The following ST8SIA1 variants were observed in gnomAD, a reference collection of about 807,000 sequenced individuals.
ST8SIA1 encodes alpha-N-acetylneuraminide alpha-2,8-sialyltransferase.
Under a neutral mutation model 35.9 loss-of-function variants are expected in ST8SIA1, and 16 were observed. The ratio of observed to expected loss-of-function variants is 0.45; its 90% CI spans 0.30 to 0.68. The LOEUF (loss-of-function observed/expected upper bound fraction) is 0.68. Ranked by LOEUF, ST8SIA1 falls within the 30% of genes least tolerant of loss-of-function variation. The pLI is 0.09. For synonymous variants in ST8SIA1, 170 were observed against 169.6 expected, an observed-to-expected ratio of 1.00 and a Z score of -0.02; for missense variants, 383 against 453.6, an observed-to-expected ratio of 0.84 and a Z score of 1.41.
chr12:22,223,905 T>C (rs1452382918), intron 4 of ST8SIA1: 16 of 846,020 alleles, frequency 1.9e-5, no homozygotes, highest in Non-Finnish European at 2.4e-5. Flanking sequence ...GCTTTCTACA[T>C]CTTTATCCTT....
chr12:22,273,360 C>T (rs741370), intron 2 of ST8SIA1, among the ~76,000 whole-genome samples: 14,002 of 152,184 alleles, frequency 0.092, 772 homozygotes, highest in East Asian at 0.15. Flanking sequence ...CCTTTTTGCA[C>T]AGTCACAAAT....
At chr12:22,219,567 C>T (rs1865274001) in intron 4 of ST8SIA1, among the ~76,000 whole-genome samples, 1 of 152,178 alleles carries the variant, frequency 6.6e-6, no homozygotes, top group South Asian at 2.1e-4. Flanking sequence ...GTTAGGTGAC[C>T]CGGCAGGTTG....
intron 4 of ST8SIA1, among the ~76,000 whole-genome samples, chr12:22,218,588 A>G (rs1865260693): frequency 7.0e-6 from 1 of 141,854 alleles, no homozygotes; most frequent in South Asian, 2.2e-4. Flanking sequence ...ATTGCACTCC[A>G]GTCTGGGTGA....
intron 3 of ST8SIA1, among the ~76,000 whole-genome samples, chr12:22,253,178 G>A (rs1865692834): frequency 6.6e-6 from 1 of 152,128 alleles, no homozygotes; most frequent in Non-Finnish European, 1.5e-5. Flanking sequence ...CCCCAGCAAG[G>A]GTAAAATAAT....
intron 2 of ST8SIA1, among the ~76,000 whole-genome samples, chr12:22,267,667 T>A (rs1865864014): frequency 6.6e-6 from 1 of 152,192 alleles, no homozygotes; most frequent in Non-Finnish European, 1.5e-5. Flanking sequence ...CTGCTTGGCT[T>A]ATCGTCTACC....
intron 1 of ST8SIA1, chr12:22,325,436 C>T: frequency 2.9e-6 from 2 of 701,610 alleles, no homozygotes; most frequent in Non-Finnish European, 5.2e-6. Context: ...GTCTTGGCTG[C>T]TTCCCTCTCA....
chr12:22,306,256 C>T (rs1384776846), intron 1 of ST8SIA1, among the ~76,000 whole-genome samples: 3 of 152,176 alleles, frequency 2.0e-5, no homozygotes, highest in African/African-American at 7.2e-5. Context: ...TCAGGACCTC[C>T]TGAGGCTGTG....
chr12:22,287,139 C>G lies in ST8SIA1; in HGVS notation c.381+10G>C, dbSNP rs1866109916. 9 of 1,610,610 alleles carry G rather than the reference C, an allele frequency of 5.6e-6. No homozygotes were observed. The highest frequency in any genetic ancestry group is 7.6e-6 in the Non-Finnish European group (9 of 1,178,406). On this transcript the variant is annotated intron_variant, in intron 2 of 4. Transcript: ENST00000396037. The stretch of plus-strand genomic sequence containing the variant: ...GAAACCATACTGAAGGCAACCAACT[C>G]TATACTAACCTGTGGGAAGAGAGAG...
At position 22,287,178 on chromosome 12, in the gene ST8SIA1, C is replaced by T; in HGVS notation, c.352G>A (p.Asp118Asn). ...GGGAAGAGAGAGTAAGTTGAATTGT[C>T]AATGGTGAATGAGTATAAAAACTCC... is the stretch of plus-strand genomic sequence containing the variant. ...DGEFLYSFTI[D>N]NSTYSLFPQA... is the part of the protein sequence containing the mutation. Residue 118 changes from aspartate (D) to asparagine (N), a missense_variant, in exon 2 of 5, where the codon GAC becomes AAC. By Grantham distance (23) the Asp-to-Asn change is conservative (BLOSUM62 1). Transcript: ENST00000396037. 1 of 1,613,950 alleles carries T rather than the reference C, an allele frequency of 6.2e-7. No individual in the cohort carries two copies. Among genetic ancestry groups the T allele is most frequent in the East Asian group, 2.2e-5 (1 of 44,872 alleles).
At chr12:22,204,393 A>C (rs1222230743) in intron 4 of ST8SIA1, among the ~76,000 whole-genome samples, 1 of 152,250 alleles carries the variant, frequency 6.6e-6, no homozygotes, top group Non-Finnish European at 1.5e-5. Context: ...TAATATGCTC[A>C]TACCGTTCCC....
chr12:22,253,236 T>C (rs1177970930), intron 3 of ST8SIA1, among the ~76,000 whole-genome samples: 3 of 152,214 alleles, frequency 2.0e-5, no homozygotes, highest in African/African-American at 7.2e-5. Context: ...ACTTGTCTCC[T>C]ATCTCGCTGT....
rs906369973 is a variant in ST8SIA1, at chr12:22,198,411, T to G, written c.*3141A>C. 1 of 152,008 alleles carries G rather than the reference T, an allele frequency of 6.6e-6. No individual in the cohort carries two copies. Among genetic ancestry groups the G allele is most frequent in the South Asian group, 2.1e-4 (1 of 4,826 alleles). 9.4% of individuals were successfully genotyped at this position (152,008 alleles called of 1,614,324 possible). On this transcript the variant is annotated 3_prime_UTR_variant, in exon 5 of 5. Transcript: ENST00000396037. ...AAAGAAAGATAATGGGAGCTTAGAA[T>G]TGAAGATCTTAATAATAGAGTATTC...
chr12:22,269,787 C>G (rs1215464153), intron 2 of ST8SIA1, among the ~76,000 whole-genome samples: 2 of 152,090 alleles, frequency 1.3e-5, no homozygotes, highest in African/African-American at 2.4e-5. Context: ...GAGACAGAAC[C>G]CTCTTTTAAC....
In ST8SIA1 at chr12:22,333,830, A is replaced by C. The variant is rs757634398; in HGVS notation, c.236+167T>G. ...CAGGGGTGGGGAAGGAACCCTGACT[A>C]AAGTCTCCAGGTTGGGAATGGCACA... On this transcript the variant is annotated intron_variant, in intron 1 of 4. Transcript: ENST00000396037. 5.1e-6 allele frequency: 4 copies of C among 788,814 alleles called. No individual in the cohort carries two copies. The Middle Eastern group carries it at 8.9e-4, about 175-fold the overall frequency. The allele number at this position is 788,814 out of a possible 1,614,324, so 48.9% of individuals were successfully genotyped here.
intron 4 of ST8SIA1, chr12:22,223,753 C>G: frequency 4.8e-6 from 6 of 1,253,470 alleles, no homozygotes; most frequent in Non-Finnish European, 6.2e-6. Flanking sequence ...TTTCTTCACC[C>G]TCTCGACAGC....
intron 1 of ST8SIA1, among the ~76,000 whole-genome samples, chr12:22,332,530 C>T (rs1291793509): frequency 6.6e-6 from 1 of 152,126 alleles, no homozygotes; most frequent in Non-Finnish European, 1.5e-5. Flanking sequence ...GATGTGATGC[C>T]TTTTGCCTGC....
At chr12:22,323,628 G>A (rs1481789631) in intron 1 of ST8SIA1, among the ~76,000 whole-genome samples, 1 of 152,156 alleles carries the variant, frequency 6.6e-6, no homozygotes, top group East Asian at 1.9e-4. Flanking sequence ...ATGACAGACT[G>A]GATAAAGAAA....
intron 1 of ST8SIA1, among the ~76,000 whole-genome samples, chr12:22,308,659 C>T (rs1866412774): frequency 6.6e-6 from 1 of 152,136 alleles, no homozygotes; most frequent in African/African-American, 2.4e-5. Context: ...CAGTCCATTA[C>T]CTCTACTGAA....
At chr12:22,328,193 G>C (rs1343947339) in intron 1 of ST8SIA1, among the ~76,000 whole-genome samples, 1 of 152,204 alleles carries the variant, frequency 6.6e-6, no homozygotes, top group Non-Finnish European at 1.5e-5. Context: ...GAATACAAAG[G>C]ATGCTTACTC....
Sources: gnomAD v4.1 joint callset for allele counts (sites outside exome capture counted in the v4.1 genomes callset) on GRCh38, gnomAD v4.1.1 for gene constraint, MANE v1.5 for transcripts, NCBI Gene and HGNC (gene_info 2026-07-23, HGNC 2026-07-21) for gene names.